The following GAS2 variants were observed in gnomAD, a reference collection of about 807,000 sequenced individuals.
The protein encoded by GAS2 is growth arrest-specific protein 2.
A neutral mutation model predicts 37.5 loss-of-function variants in GAS2; 20 were observed. The observed-to-expected ratio is 0.53, with a 90% CI of 0.37 to 0.77. The LOEUF is 0.77. Among genes scored for constraint, GAS2 ranks in the 30% least tolerant of loss-of-function variants. The pLI, the probability that GAS2 is intolerant of heterozygous loss-of-function variation, is 0.00. For missense variants in GAS2, 336 were observed against 373.4 expected (o/e 0.90, Z 0.82); for synonymous variants, 144 against 132.2 (o/e 1.09, Z -0.61).
intron 7 of GAS2, among the ~76,000 whole-genome samples, chr11:22,758,749 A>C (rs1386198789): frequency 6.6e-6 from 1 of 152,020 alleles, no homozygotes; most frequent in African/African-American, 2.4e-5. Flanking sequence ...CCCCACCTCT[A>C]TTAAAAATAC....
At chr11:22,714,906 A>C (rs1418327522) in intron 3 of GAS2, among the ~76,000 whole-genome samples, 1 of 152,190 alleles carries the variant, frequency 6.6e-6, no homozygotes, top group Non-Finnish European at 1.5e-5. Context: ...CTACATCAAA[A>C]AGTCTGAAAG....
chr11:22,722,841 A>T (rs1183486569), intron 3 of GAS2, among the ~76,000 whole-genome samples: 1 of 151,920 alleles, frequency 6.6e-6, no homozygotes, highest in Non-Finnish European at 1.5e-5. Flanking sequence ...TGTCTAAAAA[A>T]GCTTTCATGA....
intron 7 of GAS2, among the ~76,000 whole-genome samples, chr11:22,803,816 C>T (rs1564896196): frequency 6.6e-6 from 1 of 152,142 alleles, no homozygotes; most frequent in South Asian, 2.1e-4. Context: ...TGAAAAGGGA[C>T]ATACAGGTAA....
intron 3 of GAS2, among the ~76,000 whole-genome samples, chr11:22,718,679 T>G (rs7122400): frequency 0.014 from 2,125 of 151,876 alleles, 43 homozygotes; most frequent in African/African-American, 0.048. Context: ...ATAATAATAA[T>G]AAATATTAAA....
At position 22,808,774 on chromosome 11, in the gene GAS2, C is replaced by T. The variant is rs577853704; in HGVS notation, c.724-3024C>T. On this transcript the variant is annotated intron_variant, in intron 7 of 7. Transcript: ENST00000454584. ...TTCAAAATAGGCAAAGTTGCTCTCTCGAACAGTGGTAGAAAGAATCAAAGT... is the reference window on the plus strand; with the variant it reads ...TTCAAAATAGGCAAAGTTGCTCTCTTGAACAGTGGTAGAAAGAATCAAAGT... 4.2e-4 allele frequency among the ~76,000 whole-genome samples: 64 copies of T among 152,260 alleles called. 1 individual carries two copies. In the South Asian group the frequency reaches 5.4e-3, roughly 13 times the overall value.
intron 7 of GAS2, among the ~76,000 whole-genome samples, chr11:22,756,306 AAAAG>A (rs1854039144): frequency 6.6e-6 from 1 of 152,058 alleles, no homozygotes; most frequent in African/African-American, 2.4e-5. Context: ...TAAAAAAAAG[AAAAG>A]AAAAGAAAAT....
chr11:22,679,279 A>C (rs443661), intron 2 of GAS2, among the ~76,000 whole-genome samples: 56,025 of 151,960 alleles, frequency 0.37, 11,337 homozygotes, highest in African/African-American at 0.55. Flanking sequence ...CAAAAAGTTT[A>C]TTTAGCCATT....
chr11:22,796,992 C>A (rs1209935277), intron 7 of GAS2, among the ~76,000 whole-genome samples: 1 of 152,080 alleles, frequency 6.6e-6, no homozygotes, highest in African/African-American at 2.4e-5. Flanking sequence ...TCCTCTGACA[C>A]CAACATTTTC....
chr11:22,784,697 C>T (rs1288167733), intron 7 of GAS2, among the ~76,000 whole-genome samples: 1 of 152,136 alleles, frequency 6.6e-6, no homozygotes, highest in East Asian at 1.9e-4. Context: ...GTCGTTCCTC[C>T]AATATGAGCC....
upstream of GAS2, among the ~76,000 whole-genome samples, chr11:22,666,272 G>GT (rs1848984055): frequency 1.3e-5 from 2 of 152,336 alleles, no homozygotes; most frequent in African/African-American, 4.8e-5. Context: ...AAAGAGAATT[G>GT]TAAGACATCA....
chr11:22,812,105 G>C lies in GAS2; in HGVS notation c.*89G>C, dbSNP rs1857207217. On this transcript the variant is annotated 3_prime_UTR_variant, in exon 8 of 8. Coordinates refer to ENST00000454584, the MANE Select transcript of GAS2 (RefSeq NM_001143830.3). ...GTTTAGTTCATATGTTCTGAAAACT[G>C]TTTTGGAGAAAGATAGACAGAAAAA... 1.1e-6 allele frequency: 1 copy of C among 942,242 alleles called. No individual in the cohort carries two copies. Among genetic ancestry groups the C allele is most frequent in the African/African-American group, 1.7e-5 (1 of 60,372 alleles). The allele number at this position is 942,242 out of a possible 1,614,324, so 58.4% of individuals were successfully genotyped here. A position where few individuals can be genotyped will look rare whatever the true frequency, so the allele number is the denominator to read the frequency against.
intron 7 of GAS2, among the ~76,000 whole-genome samples, chr11:22,772,593 GA>G (rs1247383132): frequency 6.6e-6 from 1 of 152,084 alleles, no homozygotes; most frequent in Non-Finnish European, 1.5e-5. Context: ...AGGCATCATG[GA>G]TTTTATGTTG....
At chr11:22,756,078 A>G (rs1854019850) in intron 7 of GAS2, 125 bp downstream of exon 7, 1 of 643,500 alleles carries the variant, frequency 1.6e-6, no homozygotes, top group East Asian at 2.8e-5. Context: ...CATGGTATGA[A>G]TTTTTTTAAA....
rs74398397 is a variant in GAS2 at position 22,797,900 on chromosome 11, G to T, written c.724-13898G>T. On this transcript the variant is annotated intron_variant, in intron 7 of 7. Coordinates refer to ENST00000454584, the MANE Select transcript of GAS2 (RefSeq NM_001143830.3). ...TCCCAGTTGGGCAATATGATCATCA[G>T]CAAGGACTTCATAAAATGGCAATAT... Among the ~76,000 whole-genome samples, 1,314 of 152,156 alleles carry T rather than the reference G, an allele frequency of 8.6e-3. 14 individuals are homozygous for T. Among genetic ancestry groups the T allele is most frequent in the African/African-American group, 0.03 (1,255 of 41,532 alleles).
chr11:22,797,904 G>A (rs995027509), intron 7 of GAS2, among the ~76,000 whole-genome samples: 1 of 152,024 alleles, frequency 6.6e-6, no homozygotes, highest in African/African-American at 2.4e-5. Flanking sequence ...TCATCAGCAA[G>A]GACTTCATAA....
intron 4 of GAS2, among the ~76,000 whole-genome samples, chr11:22,728,603 T>C (rs1852328215): frequency 6.6e-6 from 1 of 151,636 alleles, no homozygotes; most frequent in Admixed American, 6.6e-5. Context: ...AAAAATCTTT[T>C]GTAAACTTCT....
intron 5 of GAS2, among the ~76,000 whole-genome samples, 174 bp from the exon 6 acceptor site, chr11:22,748,946 C>T (rs1292786404): frequency 6.6e-6 from 1 of 151,952 alleles, no homozygotes; most frequent in Non-Finnish European, 1.5e-5. Flanking sequence ...CATGTTTTGC[C>T]TCTGCTTAGA....
intron 4 of GAS2, among the ~76,000 whole-genome samples, chr11:22,736,159 G>A (rs1195572027): frequency 6.6e-6 from 1 of 151,868 alleles, no homozygotes; most frequent in Non-Finnish European, 1.5e-5. Context: ...ACTTTGTGCT[G>A]GAATTTATTT....
chr11:22,647,257 A>AT (rs980205187), intron 1 of GAS2, among the ~76,000 whole-genome samples: 2 of 151,534 alleles, frequency 1.3e-5, no homozygotes, highest in African/African-American at 4.8e-5. Context: ...TGAACTCATC[A>AT]TTTTTTATGG....
Sources: gnomAD v4.1 joint callset for allele counts (sites outside exome capture counted in the v4.1 genomes callset) on GRCh38, gnomAD v4.1.1 for gene constraint, MANE v1.5 for transcripts, NCBI Gene and HGNC (gene_info 2026-07-23, HGNC 2026-07-21) for gene names.